Variants in RNF220 observed in about 807,000 individuals in gnomAD.
RNF220 encodes ring finger protein 220.
Under a neutral mutation model 67.1 loss-of-function variants are expected in RNF220, and 7 were observed. The observed-to-expected ratio is 0.10, with a 90% CI of 0.06 to 0.20. The LOEUF is 0.20. RNF220 is among the 10% of genes least tolerant of loss of function. The pLI, the probability that RNF220 is intolerant of heterozygous loss-of-function variation, is 1.00. For synonymous variants in RNF220, 270 were observed against 283.2 expected (o/e 0.95, Z 0.47); for missense variants, 565 against 740.3 (o/e 0.76, Z 2.75).
chr1:44,564,187 A>C (rs1036383744), intron 2 of RNF220, among the ~76,000 whole-genome samples: 1 of 152,124 alleles, frequency 6.6e-6, no homozygotes, highest in Non-Finnish European at 1.5e-5. Flanking sequence ...CTATCAGAGA[A>C]ATGTTTCTCA....
At chr1:44,449,762 T>C (rs2147925342) in intron 2 of RNF220, among the ~76,000 whole-genome samples, 1 of 152,306 alleles carries the variant, frequency 6.6e-6, no homozygotes, top group African/African-American at 2.4e-5. Flanking sequence ...CAACATACAC[T>C]TATGTGACAT....
chr1:44,457,541 G>A (rs983388124), intron 2 of RNF220, among the ~76,000 whole-genome samples: 4 of 149,356 alleles, frequency 2.7e-5, no homozygotes, highest in East Asian at 2.0e-4. Context: ...AAAGGTAGGC[G>A]GGATACTACT....
At chr1:44,604,578 C>A (rs1184909601) in intron 2 of RNF220, among the ~76,000 whole-genome samples, 1 of 152,236 alleles carries the variant, frequency 6.6e-6, no homozygotes, top group African/African-American at 2.4e-5. Flanking sequence ...GCTTCTATGA[C>A]CAAGACTCAG....
In RNF220 at chr1:44,640,310, G is replaced by C. The variant is rs141038881; in HGVS notation, c.1126+4148G>C. 1.8e-3 allele frequency among the ~76,000 whole-genome samples: 267 copies of C among 152,338 alleles called. 2 individuals carry two copies. The highest frequency in any genetic ancestry group is 6.1e-3 in the African/African-American group (254 of 41,564). Reference sequence around the variant, plus strand: ...GTTGGTCCAGCCAGTGACAGGTGTTGGAACAGCACACTGCTGGAGGCGGTC... The same window carrying C: ...GTTGGTCCAGCCAGTGACAGGTGTTCGAACAGCACACTGCTGGAGGCGGTC... On this transcript the variant is annotated intron_variant, in intron 8 of 14. Transcript: ENST00000361799.
chr1:44,449,323 C>T (rs1035250369), intron 2 of RNF220, among the ~76,000 whole-genome samples: 1 of 152,124 alleles, frequency 6.6e-6, no homozygotes, highest in Non-Finnish European at 1.5e-5. Context: ...CATAATTGCC[C>T]CCAAAACTTC....
intron 1 of RNF220, among the ~76,000 whole-genome samples, chr1:44,410,195 C>A (rs1382082167): frequency 2.0e-5 from 3 of 152,152 alleles, no homozygotes; most frequent in Non-Finnish European, 4.4e-5. Context: ...CATTTCTTTT[C>A]TCCAGTTTTC....
chr1:44,533,620 T>C lies in RNF220; in HGVS notation c.626-80545T>C, dbSNP rs201002384. Among the ~76,000 whole-genome samples, 4 of 152,214 alleles carry C rather than the reference T, an allele frequency of 2.6e-5. No individual in the cohort carries two copies. The East Asian group carries it at 7.7e-4, about 29-fold the overall frequency. On this transcript the variant is annotated intron_variant, in intron 2 of 14. Coordinates refer to ENST00000361799, the MANE Select transcript of RNF220 (RefSeq NM_018150.4). ...ACTGAGTTGCAGGGACCACAAAGAA[T>C]AAGACACCTGCCCTGAAGAGGTTCA...
rs1004826113 is a variant in RNF220 at position 44,624,573 on chromosome 1, A to G, written c.805-1724A>G. Among the ~76,000 whole-genome samples the G allele has an allele frequency of 2.0e-5, 3 of 152,152 alleles. No homozygotes were observed. The highest frequency in any genetic ancestry group is 7.2e-5 in the African/African-American group (3 of 41,442). ...CCACACCCCCAAAGCTGAATAGTTC[A>G]GGGTCTATCCTCTGCCTTGACCTAG... is the stretch of plus-strand genomic sequence containing the variant. On this transcript the variant is annotated intron_variant, in intron 4 of 14. Coordinates refer to ENST00000361799, the MANE Select transcript of RNF220 (RefSeq NM_018150.4). This position sits in a 1 kb window ranked among gnomAD's most constrained non-coding sequence, Gnocchi z 4.2.
In RNF220 at chr1:44,600,817, G is replaced by A. The variant is rs995341131; in HGVS notation, c.626-13348G>A. Among the ~76,000 whole-genome samples the A allele has an allele frequency of 1.0e-4, 15 of 148,108 alleles. No homozygotes were observed. Among genetic ancestry groups the A allele is most frequent in the African/African-American group, 3.3e-4 (13 of 39,726 alleles). On this transcript the variant is annotated intron_variant, in intron 2 of 14. Transcript: ENST00000361799. The surrounding 1 kb of genome is among the most constrained non-coding windows in gnomAD (Gnocchi z 4.0). ...GCCTGGGCAACAAGAGCAAGACTCTGTCTCAAAAAAAAAAAAAGTACAGTG... is the reference window on the plus strand; with the variant it reads ...GCCTGGGCAACAAGAGCAAGACTCTATCTCAAAAAAAAAAAAAGTACAGTG...
chr1:44,526,156 C>G (rs1247371010), intron 2 of RNF220, among the ~76,000 whole-genome samples: 1 of 152,184 alleles, frequency 6.6e-6, no homozygotes, highest in Non-Finnish European at 1.5e-5. Context: ...TTTACTTTCT[C>G]CTCTATTTCC....
At chr1:44,588,207 C>A (rs1474173216) in intron 2 of RNF220, among the ~76,000 whole-genome samples, 1 of 152,346 alleles carries the variant, frequency 6.6e-6, no homozygotes, top group East Asian at 1.9e-4. Context: ...CAATCCTGAT[C>A]TCTGGGAGCC....
chr1:44,514,861 T>C (rs1486753550), intron 2 of RNF220, among the ~76,000 whole-genome samples: 4 of 152,190 alleles, frequency 2.6e-5, no homozygotes, highest in Non-Finnish European at 5.9e-5. Context: ...GCATAACCTC[T>C]ACAGTAACCT....
At chr1:44,419,545 G>A (rs137907487) in intron 2 of RNF220, 223 of 152,218 alleles carry the variant, frequency 1.5e-3, no homozygotes, top group African/African-American at 5.2e-3. Flanking sequence ...TTTTTTGTCT[G>A]GTACCAATCA....
In RNF220 at chr1:44,573,103, A is replaced by G. The variant is rs1664564139; in HGVS notation, c.626-41062A>G. The stretch of plus-strand genomic sequence containing the variant: ...AATTATAATATGATAATGATATAAT[A>G]TAAATTATATAATTATTATAAGAGT... On this transcript the variant is annotated intron_variant, in intron 2 of 14. Transcript: ENST00000361799. 4.1e-5 allele frequency: 7 copies of G among 171,078 alleles called. No homozygotes were observed. The South Asian group carries it at 8.1e-4, about 20-fold the overall frequency. 10.6% of individuals were successfully genotyped at this position (171,078 alleles called of 1,614,324 possible).
intron 2 of RNF220, among the ~76,000 whole-genome samples, chr1:44,605,787 C>T (rs1191014516): frequency 6.6e-6 from 1 of 152,112 alleles, no homozygotes; most frequent in Non-Finnish European, 1.5e-5. Flanking sequence ...GCAACTAGCC[C>T]CTGTCCTATC....
chr1:44,545,966 T>C (rs1395175557), intron 2 of RNF220, among the ~76,000 whole-genome samples: 1 of 152,096 alleles, frequency 6.6e-6, no homozygotes, highest in Non-Finnish European at 1.5e-5. Flanking sequence ...CTTTCTTGCA[T>C]GTTCTCCTAC....
intron 8 of RNF220, chr1:44,638,425 G>A (rs1300746761): frequency 2.0e-5 from 3 of 152,270 alleles, no homozygotes; most frequent in Non-Finnish European, 2.9e-5. Flanking sequence ...GGCGAGTGGC[G>A]AGGCCCATTT....
At chr1:44,619,696 G>A (rs1028835795) in intron 3 of RNF220, among the ~76,000 whole-genome samples, 13 of 152,176 alleles carry the variant, frequency 8.5e-5, no homozygotes, top group South Asian at 2.1e-4. Flanking sequence ...CGTTGGGGGC[G>A]GGCTGTGGAA....
intron 2 of RNF220, among the ~76,000 whole-genome samples, chr1:44,584,855 C>A (rs932749572): frequency 2.0e-5 from 3 of 152,190 alleles, no homozygotes; most frequent in African/African-American, 7.2e-5. Flanking sequence ...CCTGCCGCCA[C>A]GCCTGGCTAC....
Sources: gnomAD v4.1 joint callset for allele counts (sites outside exome capture counted in the v4.1 genomes callset) on GRCh38, gnomAD v4.1.1 for gene constraint, Gnocchi (gnomAD v3.1) non-coding constraint, MANE v1.5 for transcripts, NCBI Gene and HGNC (gene_info 2026-07-23, HGNC 2026-07-21) for gene names.